Variants in TOX3 observed in about 807,000 individuals in gnomAD.
TOX3 encodes CAG trinucleotide repeat-containing gene F9 protein.
TOX3 carries 22 observed loss-of-function variants against 64.3 expected under a neutral mutation model. That is an observed-to-expected ratio of 0.34 (90% CI 0.24 to 0.49). The LOEUF is 0.49. Among genes scored for constraint, TOX3 ranks in the 20% least tolerant of loss-of-function variants. TOX3 has a pLI of 0.99. For synonymous variants in TOX3, 291 were observed against 273.6 expected (o/e 1.06, Z -0.63); for missense variants, 661 against 714.4 (o/e 0.93, Z 0.85).
intron 1 of TOX3, among the ~76,000 whole-genome samples, chr16:52,528,708 G>A (rs998755761): frequency 6.6e-6 from 1 of 152,142 alleles, no homozygotes; most frequent in Non-Finnish European, 1.5e-5. Context: ...GTTACCAAAA[G>A]TTTCCCAATA....
At chr16:52,450,675 G>T in intron 3 of TOX3, 129 bp from the exon 4 acceptor site, 1 of 1,140,414 alleles carries the variant, frequency 8.8e-7, no homozygotes, top group Non-Finnish European at 1.2e-6. Context: ...ATTGCAGGAT[G>T]ATGGTCTCCG....
At chr16:52,455,757 T>C (rs1278579522) in intron 3 of TOX3, among the ~76,000 whole-genome samples, 2 of 152,088 alleles carry the variant, frequency 1.3e-5, no homozygotes, top group Non-Finnish European at 2.9e-5. Context: ...GAACAGCATG[T>C]GCAAGGTCTG....
Position 52,440,040 on chromosome 16 carries a change from T to A in TOX3, c.988-72A>T. On this transcript the variant is annotated intron_variant, in intron 6 of 6. Coordinates refer to ENST00000219746, the MANE Select transcript of TOX3 (RefSeq NM_001080430.4). Reference sequence around the variant, plus strand: ...TTTAAAATATTTAAGCATTTTTAGATATTATAAATTGATTTTTTTTAACGG... The same window carrying A: ...TTTAAAATATTTAAGCATTTTTAGAAATTATAAATTGATTTTTTTTAACGG... 4.0e-6 allele frequency: 5 copies of A among 1,259,032 alleles called. No homozygotes were observed. The South Asian group carries it at 6.7e-5, about 17-fold the overall frequency. 78.0% of individuals were successfully genotyped at this position (1,259,032 alleles called of 1,614,324 possible). A position where few individuals can be genotyped will look rare whatever the true frequency, so the allele number is the denominator to read the frequency against.
intron 2 of TOX3, 61 bp from the exon 3 acceptor site, chr16:52,464,249 G>T: frequency 2.2e-6 from 3 of 1,373,758 alleles, no homozygotes; most frequent in Non-Finnish European, 2.8e-6. Context: ...TTCCTCCGGG[G>T]AGGGAAAGAG....
In TOX3 at chr16:52,450,331, G is replaced by A. The variant is rs756036606; in HGVS notation, c.624C>T (p.Ala208=). 8.1e-6 allele frequency: 13 copies of A among 1,613,878 alleles called. No homozygotes were observed. Among genetic ancestry groups the A allele is most frequent in the African/African-American group, 2.7e-5 (2 of 74,924 alleles). ...TSPSPPASKS[A]TPSPSSSINE... is the part of the protein sequence containing the mutation. The stretch of plus-strand genomic sequence containing the variant: ...TGATGGAGCTGGAAGGGGAGGGAGT[G>A]GCTGATTTGCTTGCTGGAGGTGAAG... The change falls in exon 4 of 7, where the codon GCC becomes GCT. Residue 208 remains alanine, a synonymous_variant. Coordinates refer to ENST00000219746, the MANE Select transcript of TOX3 (RefSeq NM_001080430.4).
intron 4 of TOX3, among the ~76,000 whole-genome samples, chr16:52,449,779 A>G (rs1367041059): frequency 2.0e-5 from 3 of 152,258 alleles, no homozygotes; most frequent in Non-Finnish European, 4.4e-5. Context: ...GTATCATTTC[A>G]AATTATACAT....
At position 52,483,662 on chromosome 16, in the gene TOX3, G is replaced by A. The variant is rs1961428598; in HGVS notation, c.88-15088C>T. Among the ~76,000 whole-genome samples the A allele has an allele frequency of 2.1e-5, 3 of 141,220 alleles. No homozygotes were observed. In the South Asian group the frequency reaches 7.1e-4, roughly 33 times the overall value. The allele number at this position is 141,220 out of a possible 152,430, so 92.6% of individuals were successfully genotyped here. A position where few individuals can be genotyped will look rare whatever the true frequency, so the allele number is the denominator to read the frequency against. ...CGGCTCACTTCAACCTCTGCCTCCTGGGTTCAAGTCATTCTCCTGCCTCAG... is the reference window on the plus strand; with the variant it reads ...CGGCTCACTTCAACCTCTGCCTCCTAGGTTCAAGTCATTCTCCTGCCTCAG... On this transcript the variant is annotated intron_variant, in intron 1 of 6. Transcript: ENST00000219746.
rs1962863555 is a variant in TOX3, at chr16:52,532,066, G to A, written c.87+14571C>T. On this transcript the variant is annotated intron_variant, in intron 1 of 6. Coordinates refer to ENST00000219746, the MANE Select transcript of TOX3 (RefSeq NM_001080430.4). ...CTCTGGCTTATGCTGGATTTGAACT[G>A]ACGGCAGACAGGGAAGCGGTCATAG... Among the ~76,000 whole-genome samples the A allele has an allele frequency of 2.0e-5, 3 of 152,188 alleles. No individual in the cohort carries two copies. In the South Asian group the frequency reaches 6.2e-4, roughly 31 times the overall value.
At chr16:52,495,553 G>C (rs762956815) in intron 1 of TOX3, among the ~76,000 whole-genome samples, 5 of 152,138 alleles carry the variant, frequency 3.3e-5, no homozygotes, top group Non-Finnish European at 5.9e-5. Flanking sequence ...CTGGTTATAG[G>C]TGCAGACTCT....
chr16:52,503,876 G>A (rs1336037411), intron 1 of TOX3, among the ~76,000 whole-genome samples: 1 of 151,956 alleles, frequency 6.6e-6, no homozygotes, highest in Non-Finnish European at 1.5e-5. Flanking sequence ...ACCTCATGTC[G>A]ATAATTTAAA....
intron 1 of TOX3, among the ~76,000 whole-genome samples, chr16:52,502,366 A>G (rs778833278): frequency 6.6e-5 from 10 of 152,226 alleles, no homozygotes; most frequent in Non-Finnish European, 1.3e-4. Context: ...TTCCAGCAAG[A>G]CAAGCAGAAA....
chr16:52,480,491 G>A (rs1361778377), intron 1 of TOX3, among the ~76,000 whole-genome samples: 4 of 151,988 alleles, frequency 2.6e-5, no homozygotes, highest in Non-Finnish European at 4.4e-5. Flanking sequence ...TAAGTCTCCT[G>A]GGCATCACTT....
At chr16:52,485,246 G>A (rs202025155) in intron 1 of TOX3, among the ~76,000 whole-genome samples, 2,348 of 127,744 alleles carry the variant, frequency 0.018, 108 homozygotes, top group African/African-American at 0.074. Context: ...ATGTGTGTGT[G>A]TATATATATA....
intron 1 of TOX3, among the ~76,000 whole-genome samples, chr16:52,523,928 T>C (rs1405053890): frequency 6.6e-6 from 1 of 152,224 alleles, no homozygotes; most frequent in East Asian, 1.9e-4. Context: ...AGCTGCTTGA[T>C]ATTTTTTTTC....
intron 1 of TOX3, among the ~76,000 whole-genome samples, chr16:52,482,706 T>C (rs1479011953): frequency 1.3e-5 from 2 of 152,174 alleles, no homozygotes; most frequent in African/African-American, 2.4e-5. Context: ...AAGTAAAATG[T>C]TAGCACCTTA....
intron 2 of TOX3, among the ~76,000 whole-genome samples, chr16:52,467,342 G>C (rs532377184): frequency 1.3e-5 from 2 of 152,314 alleles, no homozygotes; most frequent in South Asian, 4.1e-4. Context: ...ACAGCAGCCA[G>C]TGCCAAACAA....
At chr16:52,472,686 G>A (rs1344624684) in intron 1 of TOX3, among the ~76,000 whole-genome samples, 1 of 151,986 alleles carries the variant, frequency 6.6e-6, no homozygotes, top group Non-Finnish European at 1.5e-5. Flanking sequence ...ATGAATATCA[G>A]GTAAAGTAGT....
At position 52,443,038 on chromosome 16, in the gene TOX3, G is replaced by A. The variant is rs1235775256; in HGVS notation, c.987+1238C>T. ...CGGATCTTGGTTTAAATCCATATAC[G>A]GTCAATTATTCATGCTTTAATGCAC... On this transcript the variant is annotated intron_variant, in intron 6 of 6. Coordinates refer to ENST00000219746, the MANE Select transcript of TOX3 (RefSeq NM_001080430.4). 3.3e-5 allele frequency among the ~76,000 whole-genome samples: 5 copies of A among 151,894 alleles called. No homozygotes were observed. In the East Asian group the frequency reaches 7.7e-4, roughly 23 times the overall value.
At chr16:52,473,065 T>C (rs536527500) in intron 1 of TOX3, among the ~76,000 whole-genome samples, 1 of 152,270 alleles carries the variant, frequency 6.6e-6, no homozygotes, top group South Asian at 2.1e-4. Context: ...CCGCAGGATT[T>C]TTTAGAAATT....
Sources: allele counts gnomAD v4.1 joint callset (sites outside exome capture counted in the v4.1 genomes callset), GRCh38; gene constraint gnomAD v4.1.1; transcripts MANE v1.5; gene names NCBI Gene and HGNC (gene_info 2026-07-23, HGNC 2026-07-21).